Variants in IQGAP2 observed in about 807,000 individuals in gnomAD.
IQGAP2 encodes ras GTPase-activating-like protein IQGAP2.
In IQGAP2, 173 loss-of-function variants were observed where a neutral mutation model predicts 201.3. That is an observed-to-expected ratio of 0.86 (90% CI 0.76 to 0.98). The LOEUF is 0.98. Among genes scored for constraint, IQGAP2 ranks in the 50% least tolerant of loss-of-function variants. The pLI, the probability that IQGAP2 is intolerant of heterozygous loss-of-function variation, is 0.00. For missense variants in IQGAP2, 1,687 were observed against 1,864.8 expected (o/e 0.90, Z 1.76); for synonymous variants, 675 against 673.9 (o/e 1.00, Z -0.03).
At chr5:76,635,114 C>T (rs182604494) in intron 15 of IQGAP2, among the ~76,000 whole-genome samples, 1 of 152,352 alleles carries the variant, frequency 6.6e-6, no homozygotes, top group East Asian at 1.9e-4. Context: ...TGTCCCCTGT[C>T]TCATCCTTCA....
At chr5:76,470,595 T>C (rs1408809490) in intron 2 of IQGAP2, among the ~76,000 whole-genome samples, 1 of 152,162 alleles carries the variant, frequency 6.6e-6, no homozygotes, top group Non-Finnish European at 1.5e-5. Context: ...TTGTTTTTAA[T>C]TTTAAGGGTC....
intron 1 of IQGAP2, among the ~76,000 whole-genome samples, chr5:76,431,638 C>A (rs1310104383): frequency 6.6e-6 from 1 of 152,092 alleles, no homozygotes; most frequent in Non-Finnish European, 1.5e-5. Context: ...TCCTGGCCAA[C>A]ATGGTGAAAC....
chr5:76,539,467 G>T (rs1275050989), intron 2 of IQGAP2, among the ~76,000 whole-genome samples: 8 of 152,150 alleles, frequency 5.3e-5, no homozygotes, highest in Non-Finnish European at 1.0e-4. Flanking sequence ...GAAGGGAGCG[G>T]GAAACTGTGA....
chr5:76,591,750 C>T (rs1281790022), intron 8 of IQGAP2, among the ~76,000 whole-genome samples: 1 of 152,174 alleles, frequency 6.6e-6, no homozygotes, highest in Non-Finnish European at 1.5e-5. Context: ...CCATTGAGCT[C>T]ATCCACTTGT....
intron 30 of IQGAP2, among the ~76,000 whole-genome samples, chr5:76,686,396 G>A (rs10447162): frequency 1.3e-5 from 2 of 150,494 alleles, no homozygotes; most frequent in African/African-American, 4.9e-5. Context: ...CCAATGTTTT[G>A]TTCTAAAGGT....
intron 2 of IQGAP2, among the ~76,000 whole-genome samples, chr5:76,529,703 G>A (rs111815255): frequency 9.5e-4 from 143 of 150,620 alleles, no homozygotes; most frequent in African/African-American, 3.3e-3. Flanking sequence ...AATATTTAAT[G>A]TGAAATTCAT....
chr5:76,589,121 G>A, intron 6 of IQGAP2, 148 bp downstream of exon 6: 2 of 254,102 alleles, frequency 7.9e-6, no homozygotes, highest in Non-Finnish European at 1.4e-5. Flanking sequence ...AGACCATCCT[G>A]ACTAACAGTG....
chr5:76,583,045 G>A lies in IQGAP2; in HGVS notation c.459-5861G>A, dbSNP rs182771717. On this transcript the variant is annotated intron_variant, in intron 5 of 35. Coordinates refer to ENST00000274364, the MANE Select transcript of IQGAP2 (RefSeq NM_006633.5). ...GCTCTCTTAGACATGAGAAGCAAAG[G>A]TGACATTAATTCCATGACTTCCTTT... Among the ~76,000 whole-genome samples, 14 of 152,262 alleles carry A rather than the reference G, an allele frequency of 9.2e-5. No homozygotes were observed. In the East Asian group the frequency reaches 2.7e-3, roughly 29 times the overall value.
At chr5:76,410,277 C>T (rs186470859) in intron 1 of IQGAP2, among the ~76,000 whole-genome samples, 3 of 152,254 alleles carry the variant, frequency 2.0e-5, no homozygotes, top group East Asian at 3.9e-4. Context: ...ACCTGAAAGG[C>T]GTGCTAGTAT....
intron 2 of IQGAP2, among the ~76,000 whole-genome samples, chr5:76,559,026 G>A (rs1316642584): frequency 1.3e-5 from 2 of 151,824 alleles, no homozygotes; most frequent in Non-Finnish European, 2.9e-5. Context: ...TCAGCCTCCC[G>A]AGTAGCTGGG....
chr5:76,461,383 A>T lies in IQGAP2; in HGVS notation c.47-187A>T, dbSNP rs768167530. On this transcript the variant is annotated intron_variant, in intron 1 of 35. Coordinates refer to ENST00000274364, the MANE Select transcript of IQGAP2 (RefSeq NM_006633.5). ...TTCCTGTCTCAAAAAAAAAAAAAATAAAAATAAAGGAAAAGAAATGATATT... is the reference window on the plus strand; with the variant it reads ...TTCCTGTCTCAAAAAAAAAAAAAATTAAAATAAAGGAAAAGAAATGATATT... Among the ~76,000 whole-genome samples, 433 of 147,292 alleles carry T rather than the reference A, an allele frequency of 2.9e-3. 2 individuals carry two copies. Among genetic ancestry groups the T allele is most frequent in the South Asian group, 0.011 (50 of 4,626 alleles).
chr5:76,527,754 A>G (rs1490030104), intron 2 of IQGAP2, among the ~76,000 whole-genome samples: 1 of 152,286 alleles, frequency 6.6e-6, no homozygotes, highest in East Asian at 1.9e-4. Flanking sequence ...TTGGCAAGCA[A>G]AGGGAAGAAA....
At chr5:76,617,773 T>C (rs755428918) in intron 13 of IQGAP2, 1 of 1,613,442 alleles carries the variant, frequency 6.2e-7, no homozygotes, top group East Asian at 2.2e-5. Flanking sequence ...GCAAAGCAAA[T>C]GGTAAAAATC....
intron 2 of IQGAP2, among the ~76,000 whole-genome samples, chr5:76,536,641 C>T (rs1181256093): frequency 6.6e-6 from 1 of 151,784 alleles, no homozygotes; most frequent in South Asian, 2.1e-4. Flanking sequence ...CGCCTGTAAT[C>T]CCAGCTACTC....
At chr5:76,554,834 A>C (rs184879001) in intron 2 of IQGAP2, among the ~76,000 whole-genome samples, 3 of 152,320 alleles carry the variant, frequency 2.0e-5, no homozygotes, top group African/African-American at 7.2e-5. Flanking sequence ...GAGAACATAC[A>C]TCAGTGCAAA....
At chr5:76,457,115 T>G (rs1754132097) in intron 1 of IQGAP2, among the ~76,000 whole-genome samples, 1 of 152,066 alleles carries the variant, frequency 6.6e-6, no homozygotes, top group Admixed American at 6.6e-5. Context: ...GCCTTCCGAG[T>G]AGCTGAGACT....
chr5:76,522,475 G>C lies in IQGAP2; in HGVS notation c.147-39921G>C, dbSNP rs142084989. On this transcript the variant is annotated intron_variant, in intron 2 of 35. Coordinates refer to ENST00000274364, the MANE Select transcript of IQGAP2 (RefSeq NM_006633.5). ...TGGGATTATGGGCATGAGCCACCGC[G>C]CCTGGCCATTTAACAGCTTAAGGTT... Among the ~76,000 whole-genome samples, 591 of 152,204 alleles carry C rather than the reference G, an allele frequency of 3.9e-3. 6 individuals are homozygous for C. The highest frequency in any genetic ancestry group is 0.013 in the African/African-American group (549 of 41,524).
At chr5:76,607,608 C>T (rs957562370) in intron 12 of IQGAP2, 11 of 152,186 alleles carry the variant, frequency 7.2e-5, no homozygotes, top group Non-Finnish European at 1.3e-4. Context: ...TTTTCTGATA[C>T]TTGGCTTGGG....
intron 29 of IQGAP2, among the ~76,000 whole-genome samples, 193 bp downstream of exon 29, chr5:76,683,410 A>G (rs1378705600): frequency 6.6e-6 from 1 of 152,250 alleles, no homozygotes; most frequent in African/African-American, 2.4e-5. Context: ...GTCCGGGATT[A>G]TAAAATAATT....
Sources: allele counts gnomAD v4.1 joint callset (sites outside exome capture counted in the v4.1 genomes callset), GRCh38; gene constraint gnomAD v4.1.1; transcripts MANE v1.5; gene names NCBI Gene and HGNC (gene_info 2026-07-23, HGNC 2026-07-21).